Variants in ST7 observed in about 807,000 individuals in gnomAD.
The protein encoded by ST7 is suppression of tumorigenicity 7, also known as suppressor of tumorigenicity 7 protein.
A neutral mutation model predicts 78.7 loss-of-function variants in ST7; 28 were observed. The ratio of observed to expected loss-of-function variants is 0.36; its 90% confidence interval spans 0.26 to 0.49. ST7 has a LOEUF of 0.49. Among genes scored for constraint, ST7 ranks in the 20% least tolerant of loss-of-function variants. The pLI, the probability that ST7 is intolerant of heterozygous loss-of-function variation, is 0.99. For missense variants in ST7, 418 were observed against 696.0 expected (o/e 0.60, Z 4.49); for synonymous variants, 247 against 249.6 (o/e 0.99, Z 0.10).
In ST7 at chr7:117,219,117, G is replaced by C. The variant is rs760852753; in HGVS notation, c.1439G>C (p.Gly480Ala). Residue 480 changes from glycine (G) to alanine (A), a missense_variant, in exon 14 of 16, where the codon GGG becomes GCG. By Grantham distance (60) the Gly-to-Ala change is moderately conservative. Transcript: ENST00000323984. This position sits in a 1 kb window ranked among gnomAD's most constrained non-coding sequence, Gnocchi z 5.1. ...ATGATCCCTTATCCCTTGGAAAAGG[G>C]GCACCTATTTTATCCTTACCCAATC... ...FRMIPYPLEK[G>A]HLFYPYPICT... is the part of the protein sequence containing the mutation. 1 of 1,613,388 alleles carries C rather than the reference G, an allele frequency of 6.2e-7. No homozygotes were observed.
At chr7:117,118,217 T>G (rs1261609938) in intron 2 of ST7, 1 of 153,268 alleles carries the variant, frequency 6.5e-6, no homozygotes, top group Non-Finnish European at 1.5e-5. Flanking sequence ...GGATTTTGGA[T>G]TTTTGGATTA....
intron 9 of ST7, among the ~76,000 whole-genome samples, chr7:117,144,825 ATTTTC>A (rs1356833742): frequency 6.6e-6 from 1 of 152,100 alleles, no homozygotes; most frequent in African/African-American, 2.4e-5. Context: ...TGCTACTTGT[ATTTTC>A]TTATGATGAT....
intron 13 of ST7, among the ~76,000 whole-genome samples, chr7:117,210,714 A>T (rs1563171702): frequency 6.6e-6 from 1 of 152,224 alleles, no homozygotes; most frequent in African/African-American, 2.4e-5. Context: ...CATTATTATA[A>T]GCAAGGACAC....
At chr7:117,188,605 A>T (rs1809476373) in intron 10 of ST7, among the ~76,000 whole-genome samples, 2 of 152,166 alleles carry the variant, frequency 1.3e-5, no homozygotes, top group Non-Finnish European at 2.9e-5. Flanking sequence ...CCCTTCTGAA[A>T]TTTTTGTAAA....
At chr7:117,204,688 T>C (rs1448014073) in intron 12 of ST7, among the ~76,000 whole-genome samples, 1 of 152,230 alleles carries the variant, frequency 6.6e-6, no homozygotes, top group East Asian at 1.9e-4. Context: ...TCAGAACTCC[T>C]TATTGATGTT....
chr7:117,124,611 A>C (rs1198431873), intron 3 of ST7, among the ~76,000 whole-genome samples: 1 of 152,180 alleles, frequency 6.6e-6, no homozygotes, highest in Non-Finnish European at 1.5e-5. Flanking sequence ...CTGTAGGAAC[A>C]GTTCAGTGGC....
chr7:117,210,020 G>A, intron 13 of ST7, 83 bp downstream of exon 13: 1 of 1,483,218 alleles, frequency 6.7e-7, no homozygotes, highest in South Asian at 1.3e-5. Context: ...GATGAATAAT[G>A]AAGATTTACA....
chr7:116,965,391 C>T (rs1261281545), intron 1 of ST7, among the ~76,000 whole-genome samples: 1 of 147,642 alleles, frequency 6.8e-6, no homozygotes, highest in Non-Finnish European at 1.5e-5. Flanking sequence ...GAACATCACA[C>T]ATCGGAGCCT....
At chr7:117,223,798 T>C (rs757799181) in intron 15 of ST7, 5 of 200,616 alleles carry the variant, frequency 2.5e-5, no homozygotes, top group African/African-American at 4.7e-5. Context: ...CCATTTAGAA[T>C]GTGAGCTCCT....
intron 1 of ST7, among the ~76,000 whole-genome samples, chr7:116,974,404 G>C (rs1030667332): frequency 6.6e-6 from 1 of 150,964 alleles, no homozygotes; most frequent in African/African-American, 2.4e-5. Flanking sequence ...TCTCCTTCCT[G>C]CCTCAGCCTC....
chr7:116,970,429 G>T (rs1002872306), intron 1 of ST7, among the ~76,000 whole-genome samples: 7 of 152,208 alleles, frequency 4.6e-5, no homozygotes, highest in African/African-American at 1.7e-4. Flanking sequence ...TGGAGGCTGG[G>T]AAGTGCAAGA....
chr7:117,102,518 A>G (rs1207633318), intron 2 of ST7, among the ~76,000 whole-genome samples: 1 of 152,226 alleles, frequency 6.6e-6, no homozygotes, highest in Non-Finnish European at 1.5e-5. Flanking sequence ...AGAAAACCAC[A>G]GAAAAAATTG....
chr7:116,962,564 G>T (rs536232684), intron 1 of ST7, among the ~76,000 whole-genome samples: 19 of 152,216 alleles, frequency 1.2e-4, no homozygotes, highest in African/African-American at 4.3e-4. Flanking sequence ...TTCTATGTTT[G>T]TTGGCCACAT....
chr7:116,996,891 G>A (rs758243380), intron 1 of ST7, among the ~76,000 whole-genome samples: 5 of 152,150 alleles, frequency 3.3e-5, no homozygotes, highest in Admixed American at 1.3e-4. Context: ...AAAAGGATTC[G>A]ATAGCCAGTA....
chr7:116,978,342 A>T (rs1793797370), intron 1 of ST7, among the ~76,000 whole-genome samples: 1 of 152,140 alleles, frequency 6.6e-6, no homozygotes, highest in African/African-American at 2.4e-5. Context: ...TTTGGAGAGG[A>T]TGTATTCTAC....
intron 9 of ST7, among the ~76,000 whole-genome samples, chr7:117,157,164 A>T (rs1336878647): frequency 6.6e-6 from 1 of 152,166 alleles, no homozygotes. Flanking sequence ...TGGAAACATG[A>T]TGGCATGAGC....
intron 2 of ST7, among the ~76,000 whole-genome samples, chr7:117,113,485 C>T (rs1802599192): frequency 6.6e-6 from 1 of 152,152 alleles, no homozygotes. Context: ...TTGGAGGAAA[C>T]ATTTTTTCTT....
intron 10 of ST7, chr7:117,173,675 C>T (rs1376134137): frequency 6.6e-6 from 1 of 152,186 alleles, no homozygotes; most frequent in African/African-American, 2.4e-5. Context: ...CTTAGAATCC[C>T]AGCCCCTTCA....
At chr7:117,175,723 A>G (rs1808298558) in intron 10 of ST7, among the ~76,000 whole-genome samples, 1 of 152,214 alleles carries the variant, frequency 6.6e-6, no homozygotes, top group Non-Finnish European at 1.5e-5. Context: ...TGTGAGGATT[A>G]AAGTAGTTTA....
Sources: allele counts gnomAD v4.1 joint callset (sites outside exome capture counted in the v4.1 genomes callset), GRCh38; gene constraint gnomAD v4.1.1; non-coding constraint Gnocchi (gnomAD v3.1); transcripts MANE v1.5; gene names NCBI Gene and HGNC (gene_info 2026-07-23, HGNC 2026-07-21).